Variants in YAE1 observed in about 807,000 individuals in gnomAD.
YAE1 encodes YAE1 maturation factor of ABCE1.
In YAE1, 22 loss-of-function variants were observed where a neutral mutation model predicts 23.0. The observed-to-expected ratio is 0.96, with a 90% confidence interval of 0.68 to 1.37. The LOEUF is 1.37. YAE1 is among the 40% of genes most tolerant of loss of function. The pLI, the probability that YAE1 is intolerant of heterozygous loss-of-function variation, is 0.00. For missense variants in YAE1, 260 were observed against 262.1 expected (o/e 0.99, Z 0.06); for synonymous variants, 101 against 97.0 (o/e 1.04, Z -0.24).
chr7:39,579,390 T>C (rs991269598), intron 2 of YAE1, among the ~76,000 whole-genome samples: 8 of 152,294 alleles, frequency 5.3e-5, no homozygotes, highest in Admixed American at 2.0e-4. Flanking sequence ...GACTGTGAGC[T>C]ATGTGTTTAC....
At chr7:39,583,809 A>T (rs1235046834) in intron 2 of YAE1, among the ~76,000 whole-genome samples, 1 of 152,224 alleles carries the variant, frequency 6.6e-6, no homozygotes, top group African/African-American at 2.4e-5. Context: ...GCACAGCTTC[A>T]TCGTTTACAG....
chr7:39,577,276 GGT>G (rs1790668734), downstream of YAE1, among the ~76,000 whole-genome samples: 1 of 152,272 alleles, frequency 6.6e-6, no homozygotes, highest in Non-Finnish European at 1.5e-5. Flanking sequence ...GTCATTGAGA[GGT>G]GACGAAGTGC....
chr7:39,611,312 T>A (rs1583689707), downstream of YAE1, among the ~76,000 whole-genome samples: 1 of 152,318 alleles, frequency 6.6e-6, no homozygotes, highest in African/African-American at 2.4e-5. Context: ...AATATTTAAC[T>A]CCAAGCCTTA....
At chr7:39,599,644 C>G (rs999311197) in intron 2 of YAE1, among the ~76,000 whole-genome samples, 2 of 151,842 alleles carry the variant, frequency 1.3e-5, no homozygotes, top group African/African-American at 2.4e-5. Context: ...TTAATTAACT[C>G]TCATAGTAAG....
intron 2 of YAE1, among the ~76,000 whole-genome samples, chr7:39,578,895 A>G (rs893608693): frequency 3.9e-5 from 6 of 152,236 alleles, no homozygotes; most frequent in Admixed American, 1.3e-4. Flanking sequence ...GAATAAGTTA[A>G]TATTACAATA....
chr7:39,586,596 G>C (rs1468963634), intron 2 of YAE1, among the ~76,000 whole-genome samples: 1 of 143,358 alleles, frequency 7.0e-6, no homozygotes, highest in East Asian at 2.1e-4. Flanking sequence ...CTCCCAGGTT[G>C]ATGCCATTCT....
At chr7:39,583,958 T>C (rs768725500) in intron 2 of YAE1, among the ~76,000 whole-genome samples, 8 of 152,206 alleles carry the variant, frequency 5.3e-5, no homozygotes, top group Non-Finnish European at 1.2e-4. Flanking sequence ...GCTATTATTA[T>C]TGTATTTTCT....
At chr7:39,602,591 G>T (rs1481870464) in intron 2 of YAE1, among the ~76,000 whole-genome samples, 1 of 152,216 alleles carries the variant, frequency 6.6e-6, no homozygotes, top group Admixed American at 6.5e-5. Flanking sequence ...AACCCAGAAT[G>T]ACTACAGCTG....
At chr7:39,611,552 G>T (rs1200629787), downstream of YAE1, among the ~76,000 whole-genome samples, 1 of 152,184 alleles carries the variant, frequency 6.6e-6, no homozygotes, top group Non-Finnish European at 1.5e-5. Flanking sequence ...CCTTTGGTCA[G>T]GTTCCCCCAA....
intron 2 of YAE1, among the ~76,000 whole-genome samples, chr7:39,602,805 G>T (rs1034263255): frequency 6.6e-6 from 1 of 152,168 alleles, no homozygotes; most frequent in Non-Finnish European, 1.5e-5. Context: ...CTGGAGTGCC[G>T]TGGCACAATC....
At chr7:39,576,081 T>TA (rs1394054534), downstream of YAE1, among the ~76,000 whole-genome samples, 9 of 152,206 alleles carry the variant, frequency 5.9e-5, no homozygotes, top group African/African-American at 2.2e-4. Flanking sequence ...TCTCACCTAT[T>TA]AATGTCATCC....
intron 1 of YAE1, among the ~76,000 whole-genome samples, chr7:39,568,950 CA>C (rs1338953697): frequency 6.6e-6 from 1 of 152,108 alleles, no homozygotes; most frequent in Non-Finnish European, 1.5e-5. Flanking sequence ...AGACAGTGGG[CA>C]AAGTTCCCAT....
intron 2 of YAE1, among the ~76,000 whole-genome samples, chr7:39,583,120 G>A (rs1790768828): frequency 6.6e-6 from 1 of 152,110 alleles, no homozygotes; most frequent in Non-Finnish European, 1.5e-5. Context: ...TAAAAATTGA[G>A]TAAATTATTA....
Position 39,587,018 on chromosome 7 carries a change from T to TTTTCA in YAE1, c.251+16395_251+16396insATTTC, listed in dbSNP as rs565488599. ...TGGAAAGAGTCTTTCTTTTCTTTTC[T>TTTTCA]TTTCTTTCTCTTTCTCTTTCTTTCT... On this transcript the variant is annotated intron_variant, in intron 2 of 2. Transcript: ENST00000432096. 2.8e-4 allele frequency among the ~76,000 whole-genome samples: 37 copies of TTTTCA among 131,952 alleles called. No homozygotes were observed. In the South Asian group the frequency reaches 9.5e-3, roughly 34 times the overall value. 86.6% of individuals were successfully genotyped at this position (131,952 alleles called of 152,430 possible).
intron 2 of YAE1, among the ~76,000 whole-genome samples, chr7:39,596,450 C>T (rs1790975439): frequency 6.6e-6 from 1 of 152,026 alleles, no homozygotes; most frequent in South Asian, 2.1e-4. Flanking sequence ...GTTGGCCAGG[C>T]TGGTCTTGAA....
chr7:39,610,640 A>G (rs1343026561), downstream of YAE1, among the ~76,000 whole-genome samples: 1 of 152,160 alleles, frequency 6.6e-6, no homozygotes, highest in Non-Finnish European at 1.5e-5. Context: ...GTGTCTGTAC[A>G]TGTACTTTAG....
chr7:39,569,439 G>C (rs1790530267), intron 1 of YAE1: 2 of 488,758 alleles, frequency 4.1e-6, no homozygotes, highest in Non-Finnish European at 8.1e-6. Flanking sequence ...GAAAGTCTTT[G>C]TTCCTTCTTT....
At chr7:39,592,825 T>G (rs771914991) in intron 2 of YAE1, among the ~76,000 whole-genome samples, 15 of 152,234 alleles carry the variant, frequency 9.9e-5, no homozygotes, top group Admixed American at 2.6e-4. Flanking sequence ...TGCCTAGATG[T>G]AGTTCTCTTT....
intron 2 of YAE1, chr7:39,609,522 AATG>A: frequency 2.1e-6 from 3 of 1,448,872 alleles, no homozygotes; most frequent in African/African-American, 1.4e-5. Flanking sequence ...TTTATCAGAA[AATG>A]ATGATGTTAT....
Sources: allele counts gnomAD v4.1 joint callset (sites outside exome capture counted in the v4.1 genomes callset), GRCh38; gene constraint gnomAD v4.1.1; transcripts MANE v1.5; gene names NCBI Gene and HGNC (gene_info 2026-07-23, HGNC 2026-07-21).